Variants in BIRC6 observed in about 807,000 individuals in gnomAD.
BIRC6 encodes dual E2 ubiquitin-conjugating enzyme/E3 ubiquitin-protein ligase BIRC6.
A neutral mutation model predicts 503.3 loss-of-function variants in BIRC6; 98 were observed. The observed-to-expected ratio is 0.19, with a 90% CI of 0.17 to 0.23. The LOEUF (loss-of-function observed/expected upper bound fraction) is 0.23. BIRC6 is among the 10% of genes least tolerant of loss of function. BIRC6 has a pLI of 1.00. For missense variants in BIRC6, 5,360 were observed against 5,806.0 expected (o/e 0.92, Z 2.50); for synonymous variants, 2,240 against 2,078.7 (o/e 1.08, Z -2.11).
In BIRC6 at chr2:32,607,536, C is replaced by T; in HGVS notation, c.14152C>T (p.Pro4718Ser). 1.2e-6 allele frequency: 2 copies of T among 1,613,778 alleles called. No homozygotes were observed. The highest frequency in any genetic ancestry group is 1.1e-5 in the South Asian group (1 of 91,076). ...GGGATATGAACGGTCTAGAGGCACT[C>T]CCAGTGGCACACAGAGTTCTCGAGA... is the stretch of plus-strand genomic sequence containing the variant. The part of the protein sequence containing the change: ...EPGYERSRGT[P>S]SGTQSSREYD... Residue 4718 changes from proline to serine, a missense_variant, in exon 72 of 74, where the codon CCC becomes TCC. Around this residue, in one of 16 missense-constraint regions of BIRC6, gnomAD observed 40 missense variants for 53.4 expected, o/e 0.75. Coordinates refer to ENST00000421745, the MANE Select transcript of BIRC6 (RefSeq NM_016252.4).
intron 13 of BIRC6, among the ~76,000 whole-genome samples, chr2:32,434,225 A>C (rs929760252): frequency 6.6e-6 from 1 of 152,204 alleles, no homozygotes; most frequent in East Asian, 1.9e-4. Context: ...TTACAAGTTC[A>C]GAATTTGTTG....
chr2:32,370,012 A>G (rs2035684370), intron 1 of BIRC6, among the ~76,000 whole-genome samples: 1 of 138,610 alleles, frequency 7.2e-6, no homozygotes, highest in Non-Finnish European at 1.5e-5. Flanking sequence ...GTGTATATAT[A>G]TGCATATATG....
Position 32,443,415 on chromosome 2 carries a change from G to C in BIRC6, c.4239-76G>C, listed in dbSNP as rs1168474888. On this transcript the variant is annotated intron_variant, in intron 19 of 73. Coordinates refer to ENST00000421745, the MANE Select transcript of BIRC6 (RefSeq NM_016252.4). The stretch of plus-strand genomic sequence containing the variant: ...TAGAATACATTTTAAAGATTTTTAG[G>C]TACCACACCAGGTTTAGGGTTGAAT... 78 of 956,488 alleles carry C rather than the reference G, an allele frequency of 8.2e-5. 1 individual carries two copies. The highest frequency in any genetic ancestry group is 1.1e-4 in the Non-Finnish European group (73 of 644,786). 59.3% of individuals were successfully genotyped at this position (956,488 alleles called of 1,614,324 possible).
In BIRC6 at chr2:32,415,105, A is replaced by G. The variant is rs146405716; in HGVS notation, c.1814A>G (p.Gln605Arg). 126 of 1,613,916 alleles carry G rather than the reference A, an allele frequency of 7.8e-5. No individual in the cohort carries two copies. The highest frequency in any genetic ancestry group is 4.9e-4 in the Middle Eastern group (3 of 6,062). ...ACTCAGGGTGAAAGTATATCAGAACAAGGGTCAACTGACAATGAATCCTGC... is the reference window on the plus strand; with the variant it reads ...ACTCAGGGTGAAAGTATATCAGAACGAGGGTCAACTGACAATGAATCCTGC... Reference protein sequence around the residue: ...SRTQGESISEQGSTDNESCTN... With the variant: ...SRTQGESISERGSTDNESCTN... Residue 605 changes from glutamine to arginine, a missense_variant, in exon 10 of 74, where the codon CAA (glutamine) becomes CGA (arginine). Physicochemically the swap from Gln to Arg is conservative, Grantham distance 43. This residue lies in a region of BIRC6 where 700 missense variants were observed against 739.3 expected (regional missense o/e 0.95). Transcript: ENST00000421745.
chr2:32,480,205 C>T (rs149866249), intron 37 of BIRC6, among the ~76,000 whole-genome samples: 24 of 152,232 alleles, frequency 1.6e-4, no homozygotes, highest in Admixed American at 6.5e-4. Flanking sequence ...GCACGATGAA[C>T]ACTTCGTTAT....
At chr2:32,507,625 G>A (rs2149555412) in intron 50 of BIRC6, among the ~76,000 whole-genome samples, 1 of 152,240 alleles carries the variant, frequency 6.6e-6, no homozygotes, top group South Asian at 2.1e-4. Flanking sequence ...TGTATTATTT[G>A]TGATAATTTT....
intron 65 of BIRC6, among the ~76,000 whole-genome samples, chr2:32,573,882 A>G (rs773944589): frequency 6.6e-6 from 1 of 152,158 alleles, no homozygotes; most frequent in Non-Finnish European, 1.5e-5. Context: ...ATACTGATAA[A>G]TATGTTTCCA....
intron 1 of BIRC6, among the ~76,000 whole-genome samples, chr2:32,368,043 A>G (rs2035222331): frequency 6.6e-6 from 1 of 152,238 alleles, no homozygotes; most frequent in Non-Finnish European, 1.5e-5. Flanking sequence ...TAGGAGAGAC[A>G]GAAGACTGGG....
At chr2:32,409,545 C>A (rs1248447371) in intron 9 of BIRC6, among the ~76,000 whole-genome samples, 1 of 152,114 alleles carries the variant, frequency 6.6e-6, no homozygotes, top group Non-Finnish European at 1.5e-5. Context: ...TTGAAGATAT[C>A]TAAGAGGACT....
In BIRC6 at chr2:32,469,710, G is replaced by C. The variant is rs977908717; in HGVS notation, c.6347+96G>C. 3.6e-6 allele frequency: 4 copies of C among 1,113,040 alleles called. No homozygotes were observed. In the South Asian group the frequency reaches 6.1e-5, roughly 17 times the overall value. 68.9% of individuals were successfully genotyped at this position (1,113,040 alleles called of 1,614,324 possible). On this transcript the variant is annotated intron_variant, in intron 30 of 73. Coordinates refer to ENST00000421745, the MANE Select transcript of BIRC6 (RefSeq NM_016252.4). ...GAAATCTTTGAAATGTGGATACTAA[G>C]TTGTGAATATGAAGCAGATCTCAGA...
intron 66 of BIRC6, among the ~76,000 whole-genome samples, chr2:32,578,117 G>A (rs747258754): frequency 1.3e-5 from 2 of 151,982 alleles, no homozygotes; most frequent in Non-Finnish European, 2.9e-5. Flanking sequence ...GTTATAAGAC[G>A]GCACCGGTAA....
Position 32,611,456 on chromosome 2 carries a change from C to G in BIRC6, c.14268C>G (p.His4756Gln), listed in dbSNP as rs1158651724. ...GTTTACTTTTTCTCAAGGTAATACA[C>G]AAACATTTTTACTTGAAAAGAGTTG... ...NPSPCFKEVI[H>Q]KHFYLKRVEI... The change falls in exon 73 of 74, where the codon CAC (histidine) becomes CAG (glutamine). Residue 4756 changes from histidine to glutamine, a missense_variant. Physicochemically the swap from His to Gln is conservative, Grantham distance 24. Around this residue, in one of 16 missense-constraint regions of BIRC6, gnomAD observed 140 missense variants for 130.2 expected, o/e 1.07. Coordinates refer to ENST00000421745, the MANE Select transcript of BIRC6 (RefSeq NM_016252.4). The G allele has an allele frequency of 1.2e-6, 2 of 1,606,238 alleles. No homozygotes were observed. The highest frequency in any genetic ancestry group is 1.1e-5 in the South Asian group (1 of 89,992).
chr2:32,407,074 C>CT (rs2041301745), intron 9 of BIRC6, among the ~76,000 whole-genome samples: 1 of 152,114 alleles, frequency 6.6e-6, no homozygotes, highest in African/African-American at 2.4e-5. Flanking sequence ...GAATTTAAAT[C>CT]CTAACTCTTC....
chr2:32,425,784 G>C (rs1197833412), intron 10 of BIRC6, among the ~76,000 whole-genome samples: 1 of 152,180 alleles, frequency 6.6e-6, no homozygotes, highest in Non-Finnish European at 1.5e-5. Flanking sequence ...GTGAAACCCA[G>C]GCAAGAGTCT....
intron 1 of BIRC6, among the ~76,000 whole-genome samples, chr2:32,366,578 T>C (rs1438569455): frequency 6.6e-6 from 1 of 152,196 alleles, no homozygotes; most frequent in Admixed American, 6.5e-5. Flanking sequence ...ATAATAGATT[T>C]CTGTAATATA....
rs1161671038 is a variant in BIRC6 at position 32,380,381 on chromosome 2, G to A, written c.645+91G>A. The A allele has an allele frequency of 4.3e-6, 6 of 1,405,038 alleles. No homozygotes were observed. The South Asian group carries it at 8.7e-5, about 20-fold the overall frequency. The allele number at this position is 1,405,038 out of a possible 1,614,324, so 87.0% of individuals were successfully genotyped here. A position where few individuals can be genotyped will look rare whatever the true frequency, so the allele number is the denominator to read the frequency against. ...TTTCCTTTCCTCTCCTTTTGGAAAT[G>A]TTCTAATTCTAGATTTTTCTTTTAA... On this transcript the variant is annotated intron_variant, in intron 3 of 73. Coordinates refer to ENST00000421745, the MANE Select transcript of BIRC6 (RefSeq NM_016252.4).
intron 61 of BIRC6, chr2:32,532,247 G>C (rs752962239): frequency 1.1e-5 from 6 of 523,146 alleles, no homozygotes; most frequent in Non-Finnish European, 2.3e-5. Flanking sequence ...AAACGGGCTG[G>C]CTTAAAACAA....
At chr2:32,455,651 C>T (rs2047183616) in intron 23 of BIRC6, among the ~76,000 whole-genome samples, 1 of 152,068 alleles carries the variant, frequency 6.6e-6, no homozygotes, top group Non-Finnish European at 1.5e-5. Flanking sequence ...ATTAAGTATC[C>T]TGGATTTTTA....
At chr2:32,466,122 A>G (rs537039693) in intron 26 of BIRC6, among the ~76,000 whole-genome samples, 50 of 152,182 alleles carry the variant, frequency 3.3e-4, no homozygotes, top group Admixed American at 1.5e-3. Context: ...TTAGGGAAGT[A>G]TTAGTAACTG....
Sources: gnomAD v4.1 joint callset for allele counts (sites outside exome capture counted in the v4.1 genomes callset) on GRCh38, gnomAD v4.1.1 for gene constraint, gnomAD v4.1.1 regional missense constraint, MANE v1.5 for transcripts, NCBI Gene and HGNC (gene_info 2026-07-23, HGNC 2026-07-21) for gene names.